CEP152: variants seen among roughly 807,000 people sequenced by gnomAD.
CEP152 encodes centrosomal protein 152.
Under a neutral mutation model 188.9 loss-of-function variants are expected in CEP152, and 132 were observed. The ratio of observed to expected loss-of-function variants is 0.70; its 90% CI spans 0.61 to 0.81. The LOEUF is 0.81. CEP152 is among the 30% of genes least tolerant of loss of function. CEP152 has a pLI of 0.00. For missense variants in CEP152, 1,914 were observed against 1,969.8 expected (o/e 0.97, Z 0.54); for synonymous variants, 649 against 666.6 (o/e 0.97, Z 0.41).
intron 11 of CEP152, among the ~76,000 whole-genome samples, 160 bp downstream of exon 11, chr15:48,781,979 T>C (rs1296408525): frequency 3.9e-5 from 6 of 152,180 alleles, no homozygotes; most frequent in Admixed American, 2.0e-4. Context: ...TGAGTTTGAC[T>C]TGCCAACTGT....
intron 12 of CEP152, among the ~76,000 whole-genome samples, chr15:48,780,855 T>C (rs992427765): frequency 6.6e-6 from 1 of 152,182 alleles, no homozygotes; most frequent in African/African-American, 2.4e-5. Context: ...TGAAGTCCTT[T>C]AAGTGTTTAA....
intron 2 of CEP152, chr15:48,729,943 A>C (rs1486795466): frequency 2.6e-5 from 4 of 152,060 alleles, no homozygotes; most frequent in South Asian, 4.1e-4. Context: ...GTAACAAATA[A>C]ATAAAAATAA....
At position 48,739,059 on chromosome 15, in the gene CEP152, C is replaced by T; in HGVS notation, c.4323G>A (p.Leu1441=). 1 of 1,614,164 alleles carries T rather than the reference C, an allele frequency of 6.2e-7. No individual in the cohort carries two copies. Among genetic ancestry groups the T allele is most frequent in the African/African-American group, 1.3e-5 (1 of 75,052 alleles). ...IKHVGSKETH[L]EFQFGDGSCK... ...AACTACCATCCCCAAACTGGAATTC[C>T]AAATGTGTCTCTTTGGATCCCACAT... is the stretch of plus-strand genomic sequence containing the variant. The change falls in exon 27 of 27, where the codon TTG becomes TTA. Residue 1441 remains leucine, a synonymous_variant. Transcript: ENST00000380950.
Position 48,787,168 on chromosome 15 carries a change from T to TTTTTTTTTTG in CEP152, c.1173+1632_1173+1633insCAAAAAAAAA, listed in dbSNP as rs1555425548. 5.0e-5 allele frequency among the ~76,000 whole-genome samples: 7 copies of TTTTTTTTTTG among 139,834 alleles called. 1 individual carries two copies. The highest frequency in any genetic ancestry group is 1.9e-4 in the African/African-American group (7 of 37,662). The allele number at this position is 139,834 out of a possible 152,430, so 91.7% of individuals were successfully genotyped here. A position where few individuals can be genotyped will look rare whatever the true frequency, so the allele number is the denominator to read the frequency against. On this transcript the variant is annotated intron_variant, in intron 9 of 26. Transcript: ENST00000380950. ...AATAATTTGGTATAGCCTTCGTTTTTTTTTTTTTTTTTTTCTGGAAAAAGA... is the reference window on the plus strand; with the variant it reads ...AATAATTTGGTATAGCCTTCGTTTTTTTTTTTTTTGTTTTTTTTTTTTTTCTGGAAAAAGA...
At chr15:48,744,434 G>C (rs1893258864) in intron 23 of CEP152, 91 bp from the exon 24 acceptor site, 6 of 1,554,084 alleles carry the variant, frequency 3.9e-6, no homozygotes, top group Non-Finnish European at 5.2e-6. Context: ...CTCTAATAAA[G>C]TTAACTGAGA....
rs1898303693 is a variant in CEP152 at position 48,811,020 on chromosome 15, TA to T, written c.-68del. The T allele has an allele frequency of 6.6e-6, 1 of 152,488 alleles. No individual in the cohort carries two copies. The highest frequency in any genetic ancestry group is 2.4e-5 in the African/African-American group (1 of 41,466). The allele number at this position is 152,488 out of a possible 1,614,324, so 9.4% of individuals were successfully genotyped here. The stretch of plus-strand genomic sequence containing the variant: ...CTAGTCCTGGCGGAAGACCAACTTC[TA>T]GCAGATCCCCTTACCCTGGCTCTAG... On this transcript the variant is annotated 5_prime_UTR_variant, in exon 1 of 27. Transcript: ENST00000380950.
chr15:48,759,058 T>C (rs976861234), intron 19 of CEP152, among the ~76,000 whole-genome samples: 4 of 152,206 alleles, frequency 2.6e-5, no homozygotes, highest in Non-Finnish European at 5.9e-5. Flanking sequence ...AATTTCCTTT[T>C]AAAATATTTC....
At chr15:48,737,037 T>G (rs1389291838), downstream of CEP152, among the ~76,000 whole-genome samples, 2 of 152,202 alleles carry the variant, frequency 1.3e-5, no homozygotes, top group Admixed American at 1.3e-4. Context: ...TATAGCTGTA[T>G]GTGAATTCAA....
chr15:48,797,704 A>T lies in CEP152; in HGVS notation c.218T>A (p.Met73Lys). The change falls in exon 4 of 27, where the codon ATG becomes AAG. Residue 73 changes from methionine to lysine, a missense_variant. Transcript: ENST00000380950. The part of the protein sequence containing the change: ...GQPHHPEQLE[M>K]SWNEQMLPKS... ...GGGCAGCATTTGCTCATTCCAGCTC[A>T]TCTCCAATTGCTCAGGATGATGTGG... 1 of 1,614,080 alleles carries T rather than the reference A, an allele frequency of 6.2e-7. No homozygotes were observed. Among genetic ancestry groups the T allele is most frequent in the Non-Finnish European group, 8.5e-7 (1 of 1,179,960 alleles).
At chr15:48,743,544 G>A (rs568369960) in intron 24 of CEP152, among the ~76,000 whole-genome samples, 1 of 152,228 alleles carries the variant, frequency 6.6e-6, no homozygotes, top group South Asian at 2.1e-4. Flanking sequence ...TTGCTAACTA[G>A]ATCCACTTCT....
At position 48,782,236 on chromosome 15, in the gene CEP152, G is replaced by T; in HGVS notation, c.1322-6C>A. ...AGCCACCTCTTGTACTGACCCTGCA[G>T]AGGAAAGAACCATAGGATATACTGA... On this transcript the variant is annotated splice_polypyrimidine_tract_variant and splice_region_variant and intron_variant, in intron 10 of 26. Coordinates refer to ENST00000380950, the MANE Select transcript of CEP152 (RefSeq NM_001194998.2). 2 of 1,613,374 alleles carry T rather than the reference G, an allele frequency of 1.2e-6. No homozygotes were observed. The highest frequency in any genetic ancestry group is 8.5e-7 in the Non-Finnish European group (1 of 1,179,492).
chr15:48,792,033 G>A (rs1426816998), intron 7 of CEP152, among the ~76,000 whole-genome samples: 1 of 151,942 alleles, frequency 6.6e-6, no homozygotes, highest in African/African-American at 2.4e-5. Context: ...TCGCTCTGTC[G>A]CCAAGCTGGA....
rs890100400 is a variant in CEP152, at chr15:48,797,374, C to T, written c.467G>A (p.Gly156Asp). 6.2e-7 allele frequency: 1 copy of T among 1,613,950 alleles called. No homozygotes were observed. The highest frequency in any genetic ancestry group is 1.3e-5 in the African/African-American group (1 of 74,904). The change falls in exon 5 of 27, where the codon GGT becomes GAT. Residue 156 changes from glycine to aspartate, a missense_variant. Transcript: ENST00000380950. ...TTGGTTATTAAATTCCTGCTTCTGACCATTGGTATATGGCCTAAAGTTTTC... is the reference window on the plus strand; with the variant it reads ...TTGGTTATTAAATTCCTGCTTCTGATCATTGGTATATGGCCTAAAGTTTTC... ...LPENFRPYTN[G>D]QKQEFNNQAT...
intron 13 of CEP152, 145 bp from the exon 14 acceptor site, chr15:48,769,226 C>A: frequency 1.6e-6 from 1 of 642,420 alleles, no homozygotes; most frequent in Non-Finnish European, 2.7e-6. Flanking sequence ...ATAACTACAG[C>A]ACAATCATCA....
chr15:48,763,849 T>G (rs1200195247), intron 17 of CEP152, among the ~76,000 whole-genome samples: 1 of 152,210 alleles, frequency 6.6e-6, no homozygotes, highest in Non-Finnish European at 1.5e-5. Context: ...CTTCTGAGAC[T>G]GCCCATTACT....
At chr15:48,740,805 C>T (rs1892907918) in intron 26 of CEP152, 4 of 148,188 alleles carry the variant, frequency 2.7e-5, no homozygotes, top group Non-Finnish European at 5.7e-5. Context: ...GGAGCACTGC[C>T]CTGCTCCCAG....
rs771821044 is a variant in CEP152 at position 48,752,451 on chromosome 15, A to G, written c.3364T>C (p.Ser1122Pro). The part of the protein sequence containing the change: ...EWKKRNMAEL[S>P]KDSASQGTGQ... ...GTGCCCTGGCTGGCAGAATCCTTAG[A>G]GAGCTCGGCCATATTTCTCTGAAAT... Residue 1122 changes from serine (S) to proline (P), a missense_variant, in exon 21 of 27, where the codon TCT becomes CCT. Coordinates refer to ENST00000380950, the MANE Select transcript of CEP152 (RefSeq NM_001194998.2). 1 of 1,613,716 alleles carries G rather than the reference A, an allele frequency of 6.2e-7. No individual in the cohort carries two copies.
At chr15:48,750,793 C>G (rs1470640610) in intron 21 of CEP152, among the ~76,000 whole-genome samples, 1 of 151,962 alleles carries the variant, frequency 6.6e-6, no homozygotes, top group Non-Finnish European at 1.5e-5. Flanking sequence ...AAAAAGGCAA[C>G]AACTTTTTGA....
chr15:48,783,867 G>T, intron 10 of CEP152, 106 bp downstream of exon 10: 1 of 998,550 alleles, frequency 1.0e-6, no homozygotes, highest in Non-Finnish European at 1.5e-6. Flanking sequence ...ATTGCTGATT[G>T]TGTTTTCTGT....
Sources: gnomAD v4.1 joint callset for allele counts (sites outside exome capture counted in the v4.1 genomes callset) on GRCh38, gnomAD v4.1.1 for gene constraint, MANE v1.5 for transcripts, NCBI Gene and HGNC (gene_info 2026-07-23, HGNC 2026-07-21) for gene names.